EXOC6: variants seen among roughly 807,000 people sequenced by gnomAD.
The protein encoded by EXOC6 is exocyst complex component 6.
In EXOC6, 60 loss-of-function variants were observed where a neutral mutation model predicts 112.5. The ratio of observed to expected loss-of-function variants is 0.53; its 90% CI spans 0.43 to 0.66. The LOEUF (loss-of-function observed/expected upper bound fraction) is 0.66, where lower values mean the gene tolerates loss of function less well. Ranked by LOEUF, EXOC6 falls within the 30% of genes least tolerant of loss-of-function variation. The probability of loss-of-function intolerance (pLI) is 0.00; values close to 1 mark genes in which losing one functional copy is unlikely to be tolerated. For missense variants in EXOC6, 855 were observed against 957.1 expected (o/e 0.89, Z 1.41); for synonymous variants, 295 against 308.0 (o/e 0.96, Z 0.44).
intron 20 of EXOC6, among the ~76,000 whole-genome samples, chr10:93,055,951 T>C (rs1040442671): frequency 5.3e-5 from 8 of 152,280 alleles, no homozygotes; most frequent in Admixed American, 1.3e-4. Flanking sequence ...TGGTCGGCTC[T>C]TGTATCCCAT....
intron 20 of EXOC6, among the ~76,000 whole-genome samples, chr10:93,035,413 C>T (rs1845471222): frequency 6.6e-6 from 1 of 152,184 alleles, no homozygotes; most frequent in East Asian, 1.9e-4. Flanking sequence ...GTGATAATTA[C>T]AAAAATTGTT....
At chr10:93,013,949 A>T (rs1844377882) in intron 19 of EXOC6, among the ~76,000 whole-genome samples, 1 of 152,214 alleles carries the variant, frequency 6.6e-6, no homozygotes, top group South Asian at 2.1e-4. Flanking sequence ...TCCTAAATTT[A>T]TTGTGATTAG....
intron 13 of EXOC6, among the ~76,000 whole-genome samples, chr10:92,942,962 A>G (rs1852750992): frequency 6.6e-6 from 1 of 152,122 alleles, no homozygotes; most frequent in African/African-American, 2.4e-5. Context: ...TTTTAACACA[A>G]AATTTCCAAA....
At chr10:92,836,795 C>T (rs1381828923) in intron 1 of EXOC6, among the ~76,000 whole-genome samples, 2 of 152,124 alleles carry the variant, frequency 1.3e-5, no homozygotes, top group Non-Finnish European at 2.9e-5. Flanking sequence ...AACACATCAG[C>T]TCATGTGGCC....
chr10:92,997,789 T>C (rs1843561211), intron 19 of EXOC6, among the ~76,000 whole-genome samples, 174 bp downstream of exon 19: 1 of 152,190 alleles, frequency 6.6e-6, no homozygotes, highest in African/African-American at 2.4e-5. Context: ...TAAAAATATC[T>C]CAGCTTCACA....
At chr10:92,844,151 G>A (rs1483817718), upstream of EXOC6, among the ~76,000 whole-genome samples, 132 of 132,068 alleles carry the variant, frequency 1.0e-3, no homozygotes, top group Non-Finnish European at 1.1e-3. Context: ...CTGTGTCTCA[G>A]AAAAAAAAAA....
intron 17 of EXOC6, among the ~76,000 whole-genome samples, chr10:92,970,931 G>A (rs565917547): frequency 6.6e-6 from 1 of 152,342 alleles, no homozygotes; most frequent in African/African-American, 2.4e-5. Context: ...AATAATGTGT[G>A]GTCTGTTCTT....
upstream of EXOC6, among the ~76,000 whole-genome samples, chr10:92,845,934 G>A (rs150491635): frequency 5.8e-4 from 89 of 152,268 alleles, no homozygotes; most frequent in African/African-American, 2.1e-3. Flanking sequence ...GCGAAACTCT[G>A]TCTCGAAAAA....
intron 19 of EXOC6, among the ~76,000 whole-genome samples, chr10:93,001,330 C>G (rs1365729540): frequency 1.3e-5 from 2 of 152,172 alleles, no homozygotes; most frequent in African/African-American, 4.8e-5. Flanking sequence ...TATAATAAAC[C>G]TGCCAAGTAA....
chr10:92,930,207 A>C lies in EXOC6; in HGVS notation c.972+1785A>C, dbSNP rs114138114. ...CTGGGCCATGAAACAAACATCAACAAATATAAAAAGCTGGGCTGGGTGCAG... is the reference window on the plus strand; with the variant it reads ...CTGGGCCATGAAACAAACATCAACACATATAAAAAGCTGGGCTGGGTGCAG... On this transcript the variant is annotated intron_variant, in intron 9 of 21. Coordinates refer to ENST00000260762, the MANE Select transcript of EXOC6 (RefSeq NM_019053.6). 2.2e-3 allele frequency among the ~76,000 whole-genome samples: 336 copies of C among 152,218 alleles called. 1 individual carries two copies. Among genetic ancestry groups the C allele is most frequent in the African/African-American group, 7.4e-3 (309 of 41,538 alleles).
chr10:92,981,632 A>G (rs1036055726), intron 18 of EXOC6, among the ~76,000 whole-genome samples: 2 of 152,176 alleles, frequency 1.3e-5, no homozygotes, highest in African/African-American at 4.8e-5. Context: ...GTCTTTAAGT[A>G]TAATGTAATA....
At chr10:92,831,831 A>T (rs1344588708), upstream of EXOC6, among the ~76,000 whole-genome samples, 1 of 152,242 alleles carries the variant, frequency 6.6e-6, no homozygotes, top group Non-Finnish European at 1.5e-5. Context: ...AAGAGAGTAA[A>T]TGTGGCAAAA....
chr10:92,834,786 G>A (rs1846611034), exon 1 of EXOC6: 1 of 1,610,098 alleles, frequency 6.2e-7, no homozygotes, highest in Middle Eastern at 1.6e-4. Flanking sequence ...TCCTGGCTGA[G>A]ATTCAGTCTT....
chr10:92,923,693 A>G lies in EXOC6; in HGVS notation c.888+3643A>G, dbSNP rs140383081. 2.2e-4 allele frequency among the ~76,000 whole-genome samples: 33 copies of G among 152,248 alleles called. No homozygotes were observed. In the East Asian group the frequency reaches 5.0e-3, roughly 23 times the overall value. Reference sequence around the variant, plus strand: ...AAGCCATCATTCCTTTTATAACACAATCTCAGAAGTGACATACCATTACTT... The same window carrying G: ...AAGCCATCATTCCTTTTATAACACAGTCTCAGAAGTGACATACCATTACTT... On this transcript the variant is annotated intron_variant, in intron 8 of 21. Transcript: ENST00000260762.
chr10:93,001,633 T>G (rs1843760411), intron 19 of EXOC6, among the ~76,000 whole-genome samples: 1 of 152,196 alleles, frequency 6.6e-6, no homozygotes, highest in Non-Finnish European at 1.5e-5. Context: ...ACTTGGCCCC[T>G]ACGAAGGCAC....
upstream of EXOC6, among the ~76,000 whole-genome samples, chr10:92,845,792 G>T: frequency 6.6e-6 from 1 of 151,864 alleles, no homozygotes; most frequent in East Asian, 1.9e-4. Context: ...TACAAAATTA[G>T]CTGGGCGTGG....
At chr10:92,915,993 G>A in intron 7 of EXOC6, 80 bp downstream of exon 7, 3 of 1,024,682 alleles carry the variant, frequency 2.9e-6, no homozygotes, top group Non-Finnish European at 1.4e-6. Context: ...GTGTGATTTA[G>A]TCTTCCTGTA....
chr10:92,827,051 G>A (rs1005617970), intron 1 of EXOC6, among the ~76,000 whole-genome samples: 18 of 152,166 alleles, frequency 1.2e-4, no homozygotes, highest in Non-Finnish European at 8.8e-5. Context: ...GATTCATAAC[G>A]ATATTATTTG....
intron 19 of EXOC6, among the ~76,000 whole-genome samples, chr10:93,013,565 G>A (rs1033462433): frequency 1.3e-5 from 2 of 151,960 alleles, no homozygotes; most frequent in Admixed American, 6.5e-5. Flanking sequence ...CCGAGATGGC[G>A]CCACTGCACT....
Sources: gnomAD v4.1 joint callset for allele counts (sites outside exome capture counted in the v4.1 genomes callset) on GRCh38, gnomAD v4.1.1 for gene constraint, MANE v1.5 for transcripts, NCBI Gene and HGNC (gene_info 2026-07-23, HGNC 2026-07-21) for gene names.